FBXL17: variants seen among roughly 807,000 people sequenced by gnomAD.
FBXL17 encodes the protein F-box/LRR-repeat protein 17.
Under a neutral mutation model 66.2 loss-of-function variants are expected in FBXL17, and 22 were observed. The observed-to-expected ratio is 0.33, with a 90% confidence interval of 0.24 to 0.47. The LOEUF (loss-of-function observed/expected upper bound fraction) is 0.47, where lower values mean the gene tolerates loss of function less well. Ranked by LOEUF, FBXL17 falls within the 20% of genes least tolerant of loss-of-function variation. FBXL17 has a pLI of 1.00. For synonymous variants in FBXL17, 474 were observed against 400.5 expected (o/e 1.18, Z -2.19); for missense variants, 878 against 948.2 (o/e 0.93, Z 0.97).
intron 4 of FBXL17, among the ~76,000 whole-genome samples, chr5:108,260,610 C>T (rs906516667): frequency 6.6e-6 from 1 of 152,032 alleles, no homozygotes; most frequent in East Asian, 1.9e-4. Flanking sequence ...TCTCCCAGAC[C>T]GATCATTCCA....
chr5:107,892,649 C>T (rs912486239), intron 7 of FBXL17, among the ~76,000 whole-genome samples: 2 of 152,036 alleles, frequency 1.3e-5, no homozygotes, highest in Admixed American at 1.3e-4. Flanking sequence ...GTGCCAAAAT[C>T]CAACACCTAA....
intron 7 of FBXL17, among the ~76,000 whole-genome samples, chr5:107,993,062 A>AT (rs1753322910): frequency 6.6e-6 from 1 of 151,862 alleles, no homozygotes; most frequent in African/African-American, 2.4e-5. Flanking sequence ...CGCCTGGCTA[A>AT]TTTTTTGTAT....
intron 7 of FBXL17, among the ~76,000 whole-genome samples, chr5:107,947,367 T>TAA (rs1751348678): frequency 6.6e-6 from 1 of 152,260 alleles, no homozygotes; most frequent in Non-Finnish European, 1.5e-5. Flanking sequence ...CCTGAGTTTC[T>TAA]TCTGAGTATC....
chr5:108,348,552 T>C, intron 3 of FBXL17, 22 bp from the exon 4 acceptor site: 1 of 1,591,090 alleles, frequency 6.3e-7, no homozygotes, highest in Non-Finnish European at 8.6e-7. Flanking sequence ...CAGATTTAGC[T>C]GAATGCTCAA....
intron 5 of FBXL17, among the ~76,000 whole-genome samples, chr5:108,220,345 C>A (rs1754805908): frequency 6.6e-6 from 1 of 152,012 alleles, no homozygotes. Context: ...CCTGAGTTAC[C>A]CCCCAACCTG....
chr5:108,222,413 G>A (rs948327629), intron 5 of FBXL17, among the ~76,000 whole-genome samples: 2 of 152,114 alleles, frequency 1.3e-5, no homozygotes, highest in Admixed American at 1.3e-4. Flanking sequence ...CAAGGTTATA[G>A]GAAATGAATT....
At position 108,308,416 on chromosome 5, in the gene FBXL17, C is replaced by T. The variant is rs574521079; in HGVS notation, c.1506+39983G>A. Among the ~76,000 whole-genome samples, 41 of 152,046 alleles carry T rather than the reference C, an allele frequency of 2.7e-4. No individual in the cohort carries two copies. In the South Asian group the frequency reaches 7.7e-3, roughly 29 times the overall value. On this transcript the variant is annotated intron_variant, in intron 4 of 8. Transcript: ENST00000542267. ...AGGTTCATAGATATTAAATAACTTG[C>T]CCACAATCACAAGGCTAGTAAGGGT...
chr5:107,920,742 G>C (rs1359236571), intron 7 of FBXL17, among the ~76,000 whole-genome samples: 1 of 152,288 alleles, frequency 6.6e-6, no homozygotes. Flanking sequence ...CAAAGGCAGA[G>C]TGAATCCTTC....
At chr5:108,206,887 G>T (rs903800971) in intron 5 of FBXL17, among the ~76,000 whole-genome samples, 17 of 152,106 alleles carry the variant, frequency 1.1e-4, no homozygotes, top group African/African-American at 4.1e-4. Context: ...ACCGAGTCGT[G>T]AAATGACTGT....
chr5:107,880,760 A>C, intron 8 of FBXL17: 1 of 1,308,574 alleles, frequency 7.6e-7, no homozygotes, highest in Non-Finnish European at 9.7e-7. Context: ...TGGACTTATG[A>C]ATAGGATGCC....
intron 1 of FBXL17, among the ~76,000 whole-genome samples, chr5:108,378,460 G>A (rs920952485): frequency 6.6e-6 from 1 of 152,006 alleles, no homozygotes; most frequent in African/African-American, 2.4e-5. Flanking sequence ...TAATTTCTAA[G>A]AATGTTTTCC....
intron 5 of FBXL17, among the ~76,000 whole-genome samples, chr5:108,198,906 A>C (rs1753782122): frequency 6.6e-6 from 1 of 152,134 alleles, no homozygotes; most frequent in African/African-American, 2.4e-5. Flanking sequence ...GATATTAAAT[A>C]ATATGGAATA....
At chr5:108,373,335 A>C in intron 1 of FBXL17, among the ~76,000 whole-genome samples, 1 of 130,794 alleles carries the variant, frequency 7.6e-6, no homozygotes, top group East Asian at 2.0e-4. Flanking sequence ...ATTAATATAT[A>C]TCTAAATATA....
chr5:107,931,780 CATTTTAT>C (rs539614303), intron 7 of FBXL17, among the ~76,000 whole-genome samples: 81 of 152,264 alleles, frequency 5.3e-4, no homozygotes, highest in African/African-American at 1.8e-3. Context: ...CACATATTCA[CATTTTAT>C]ATTCATTAGA....
chr5:108,195,316 T>A (rs759628031), intron 5 of FBXL17, among the ~76,000 whole-genome samples: 1 of 152,028 alleles, frequency 6.6e-6, no homozygotes, highest in African/African-American at 2.4e-5. Flanking sequence ...AAGATGATAT[T>A]TGCGCAAAGA....
chr5:108,339,249 A>G (rs1391498227), intron 4 of FBXL17, among the ~76,000 whole-genome samples: 1 of 152,224 alleles, frequency 6.6e-6, no homozygotes, highest in Non-Finnish European at 1.5e-5. Flanking sequence ...TACTGTGGAT[A>G]AAAACATAAG....
chr5:107,904,228 C>T (rs544730970), intron 7 of FBXL17, among the ~76,000 whole-genome samples: 3 of 152,246 alleles, frequency 2.0e-5, no homozygotes, highest in East Asian at 1.9e-4. Context: ...TCCTATCTCA[C>T]GATGGCACCA....
chr5:108,380,638 C>CGGAGGCG (rs1749782320), intron 1 of FBXL17, 61 bp downstream of exon 1: 1 of 1,072,986 alleles, frequency 9.3e-7, no homozygotes, highest in African/African-American at 1.7e-5. Flanking sequence ...GAGAAAGCCT[C>CGGAGGCG]GGAGGCGGGG....
intron 7 of FBXL17, among the ~76,000 whole-genome samples, chr5:107,926,539 T>G (rs1750531056): frequency 6.6e-6 from 1 of 151,866 alleles, no homozygotes; most frequent in Non-Finnish European, 1.5e-5. Flanking sequence ...GGTGAGAATA[T>G]TCTGATGTTT....
Sources: gnomAD v4.1 joint callset for allele counts (sites outside exome capture counted in the v4.1 genomes callset) on GRCh38, gnomAD v4.1.1 for gene constraint, MANE v1.5 for transcripts, NCBI Gene and HGNC (gene_info 2026-07-23, HGNC 2026-07-21) for gene names.